Variants in GCNT1 observed in about 807,000 individuals in gnomAD.
GCNT1 encodes the protein glucosaminyl (N-acetyl) transferase 1.
A neutral mutation model predicts 26.2 loss-of-function variants in GCNT1; 16 were observed. The ratio of observed to expected loss-of-function variants is 0.61; its 90% CI spans 0.41 to 0.93. The LOEUF is 0.93. Among genes scored for constraint, GCNT1 ranks in the 40% least tolerant of loss-of-function variants. The probability of loss-of-function intolerance (pLI) is 0.00; values close to 1 mark genes in which losing one functional copy is unlikely to be tolerated. For missense variants in GCNT1, 477 were observed against 526.7 expected (o/e 0.91, Z 0.92); for synonymous variants, 183 against 190.8 (o/e 0.96, Z 0.34).
At chr9:76,418,299 G>T (rs1564217577), upstream of GCNT1, among the ~76,000 whole-genome samples, 1 of 152,224 alleles carries the variant, frequency 6.6e-6, no homozygotes, top group Non-Finnish European at 1.5e-5. Context: ...CCAGGTAACA[G>T]ACTTTGGAGA....
At chr9:76,485,785 G>A (rs965819062) in intron 2 of GCNT1, among the ~76,000 whole-genome samples, 1 of 151,566 alleles carries the variant, frequency 6.6e-6, no homozygotes, top group African/African-American at 2.4e-5. Context: ...CCAGGCTGAA[G>A]TGCAGTGGCT....
rs183250127 is a variant in GCNT1 at position 76,463,912 on chromosome 9, G to A, written c.-290+3735G>A. On this transcript the variant is annotated intron_variant, in intron 2 of 3. Transcript: ENST00000376730. ...AAAAATGATATTTAAAATAAGGCCT[G>A]GGGGCAGGTATGGTGGCTCACACCT... 1.1e-3 allele frequency among the ~76,000 whole-genome samples: 174 copies of A among 152,194 alleles called. 1 individual carries two copies. The highest frequency in any genetic ancestry group is 3.0e-3 in the African/African-American group (126 of 41,546).
chr9:76,418,042 C>G (rs567300869), upstream of GCNT1, among the ~76,000 whole-genome samples: 1 of 152,126 alleles, frequency 6.6e-6, no homozygotes, highest in Non-Finnish European at 1.5e-5. Context: ...GGGGTACAGC[C>G]TAGTTTTATA....
upstream of GCNT1, among the ~76,000 whole-genome samples, chr9:76,457,696 G>A (rs1400226390): frequency 6.6e-6 from 1 of 152,172 alleles, no homozygotes; most frequent in East Asian, 1.9e-4. Flanking sequence ...CTATTTTTAA[G>A]TAGACAAATT....
the GCNT1 span, chr9:76,394,195 G>A: frequency 6.4e-7 from 1 of 1,565,318 alleles, no homozygotes; most frequent in Admixed American, 1.9e-5. Context: ...CGGGGAATGG[G>A]CTGCGGCCCG....
At chr9:76,420,301 G>A (rs1383489817) in intron 1 of GCNT1, 1 of 152,170 alleles carries the variant, frequency 6.6e-6, no homozygotes, top group Admixed American at 6.5e-5. Context: ...TAGAGACAAG[G>A]CTTTGCTCTG....
At chr9:76,443,252 C>T (rs1823508832) in intron 1 of GCNT1, among the ~76,000 whole-genome samples, 1 of 152,164 alleles carries the variant, frequency 6.6e-6, no homozygotes, top group Non-Finnish European at 1.5e-5. Flanking sequence ...GAATTAAAGA[C>T]ACACACACAG....
chr9:76,467,902 T>G (rs868469894), intron 2 of GCNT1, among the ~76,000 whole-genome samples: 118 of 116,494 alleles, frequency 1.0e-3, no homozygotes, highest in African/African-American at 4.0e-3. Flanking sequence ...TCAGTGTTTT[T>G]TTTTTTTTTT....
chr9:76,437,898 C>G (rs1384649116), upstream of GCNT1, among the ~76,000 whole-genome samples: 1 of 152,164 alleles, frequency 6.6e-6, no homozygotes, highest in Non-Finnish European at 1.5e-5. Flanking sequence ...GTGAGAGTTC[C>G]CAAGCATGTC....
At chr9:76,432,869 T>G (rs1237608306) in intron 1 of GCNT1, among the ~76,000 whole-genome samples, 1 of 152,210 alleles carries the variant, frequency 6.6e-6, no homozygotes, top group African/African-American at 2.4e-5. Context: ...ATATATACCT[T>G]CTCTTTCCTA....
chr9:76,492,707 A>G (rs2480213), intron 2 of GCNT1, among the ~76,000 whole-genome samples: 123,441 of 150,676 alleles, frequency 0.82, 51,168 homozygotes, highest in African/African-American at 0.94. Context: ...CTCGTTGGAC[A>G]ATCTTTTTTA....
the GCNT1 span, among the ~76,000 whole-genome samples, chr9:76,396,443 A>G: frequency 6.6e-6 from 1 of 152,118 alleles, no homozygotes; most frequent in Non-Finnish European, 1.5e-5. Context: ...TTTTAAAATA[A>G]AAATAAGTAA....
intron 1 of GCNT1, among the ~76,000 whole-genome samples, chr9:76,451,208 A>G (rs894477174): frequency 6.6e-6 from 1 of 152,238 alleles, no homozygotes; most frequent in Non-Finnish European, 1.5e-5. Context: ...AGCATTTGTC[A>G]AAATAAATCT....
At chr9:76,460,441 G>GC (rs1459725993) in intron 2 of GCNT1, among the ~76,000 whole-genome samples, 2 of 152,186 alleles carry the variant, frequency 1.3e-5, no homozygotes, top group African/African-American at 2.4e-5. Context: ...CTGGCATTCT[G>GC]CCCCCCTTCC....
At chr9:76,426,197 T>A (rs4281169) in intron 1 of GCNT1, among the ~76,000 whole-genome samples, 88 of 152,048 alleles carry the variant, frequency 5.8e-4, no homozygotes, top group Non-Finnish European at 2.9e-4. Flanking sequence ...TAGTTCGTCC[T>A]GCGCTCAGGA....
chr9:76,486,270 A>T (rs1328301533), intron 2 of GCNT1, among the ~76,000 whole-genome samples: 4 of 152,196 alleles, frequency 2.6e-5, no homozygotes, highest in Non-Finnish European at 5.9e-5. Flanking sequence ...TAAGCACTCC[A>T]GGTTAGTGAT....
At chr9:76,429,863 C>T (rs7030639) in intron 1 of GCNT1, among the ~76,000 whole-genome samples, 2,529 of 152,022 alleles carry the variant, frequency 0.017, 67 homozygotes, top group African/African-American at 0.057. Flanking sequence ...TACACGCACC[C>T]GCCACCACGC....
At chr9:76,427,197 C>A (rs1218915901) in intron 1 of GCNT1, among the ~76,000 whole-genome samples, 1 of 91,248 alleles carries the variant, frequency 1.1e-5, no homozygotes, top group South Asian at 3.7e-4. Context: ...TCTGCCAACA[C>A]CTTTTTTTTT....
At chr9:76,417,823 T>C (rs1361983071), upstream of GCNT1, among the ~76,000 whole-genome samples, 2 of 152,208 alleles carry the variant, frequency 1.3e-5, no homozygotes, top group Non-Finnish European at 2.9e-5. Context: ...AGTAAGATCA[T>C]GGCAAAGCTC....
Sources: gnomAD v4.1 joint callset for allele counts (sites outside exome capture counted in the v4.1 genomes callset) on GRCh38, gnomAD v4.1.1 for gene constraint, MANE v1.5 for transcripts, NCBI Gene and HGNC (gene_info 2026-07-23, HGNC 2026-07-21) for gene names.